UBE2E2: variants seen among roughly 807,000 people sequenced by gnomAD.
UBE2E2 encodes ubiquitin-conjugating enzyme E2 E2.
In UBE2E2, 6 loss-of-function variants were observed where a neutral mutation model predicts 24.7. The ratio of observed to expected loss-of-function variants is 0.24; its 90% CI spans 0.13 to 0.48. UBE2E2 has a LOEUF of 0.48. UBE2E2 is among the 20% of genes least tolerant of loss of function. The pLI, the probability that UBE2E2 is intolerant of heterozygous loss-of-function variation, is 0.99. For synonymous variants in UBE2E2, 104 were observed against 83.6 expected, an observed-to-expected ratio of 1.24 and a Z score of -1.33; for missense variants, 169 against 245.0, an observed-to-expected ratio of 0.69 and a Z score of 2.07.
At chr3:23,478,879 A>AATATAT (rs564828153) in intron 3 of UBE2E2, among the ~76,000 whole-genome samples, 2 of 120,294 alleles carry the variant, frequency 1.7e-5, no homozygotes, top group African/African-American at 6.4e-5. Flanking sequence ...CATCTGTACA[A>AATATAT]ATATATATAT....
chr3:23,296,578 G>A (rs553922603), intron 3 of UBE2E2, among the ~76,000 whole-genome samples: 19 of 152,174 alleles, frequency 1.2e-4, no homozygotes, highest in South Asian at 4.2e-4. Flanking sequence ...TTGTCCTTGC[G>A]ATAGTTTGCT....
At chr3:23,466,309 T>C (rs1698917548) in intron 3 of UBE2E2, among the ~76,000 whole-genome samples, 1 of 152,200 alleles carries the variant, frequency 6.6e-6, no homozygotes, top group Non-Finnish European at 1.5e-5. Flanking sequence ...ATAAGTGAGA[T>C]GTGGAAAACA....
At chr3:23,362,284 AT>A in intron 3 of UBE2E2, among the ~76,000 whole-genome samples, 1 of 152,274 alleles carries the variant, frequency 6.6e-6, no homozygotes, top group South Asian at 2.1e-4. Context: ...ATGGGAAAGA[AT>A]GAGTGAGTGT....
chr3:23,473,036 T>A (rs1051955323), intron 3 of UBE2E2, among the ~76,000 whole-genome samples: 1 of 152,078 alleles, frequency 6.6e-6, no homozygotes, highest in Non-Finnish European at 1.5e-5. Flanking sequence ...TTTTCTGTTA[T>A]GATTTAAAAA....
intron 3 of UBE2E2, among the ~76,000 whole-genome samples, chr3:23,339,320 G>A (rs1695314842): frequency 6.6e-6 from 1 of 152,162 alleles, no homozygotes; most frequent in African/African-American, 2.4e-5. Flanking sequence ...TAAATGCAGT[G>A]TGGTATTTGG....
chr3:23,263,503 T>A (rs1697957759), intron 3 of UBE2E2, among the ~76,000 whole-genome samples: 1 of 152,228 alleles, frequency 6.6e-6, no homozygotes, highest in Non-Finnish European at 1.5e-5. Flanking sequence ...CCCTTATTGC[T>A]TGAGTCACTT....
At position 23,378,691 on chromosome 3, in the gene UBE2E2, C is replaced by A. The variant is rs1204212772; in HGVS notation, c.228-120917C>A. Among the ~76,000 whole-genome samples the A allele has an allele frequency of 2.5e-5, 3 of 119,924 alleles. No homozygotes were observed. The East Asian group carries it at 6.6e-4, about 26-fold the overall frequency. The allele number at this position is 119,924 out of a possible 152,430, so 78.7% of individuals were successfully genotyped here. On this transcript the variant is annotated intron_variant, in intron 3 of 5. Coordinates refer to ENST00000396703, the MANE Select transcript of UBE2E2 (RefSeq NM_152653.4). ...GAATTGACAGCTTCCCTTTGAAATT[C>A]ATTTACTTATGCTTTTTTAAAAAGT...
At chr3:23,545,101 C>T (rs1233000077) in intron 5 of UBE2E2, among the ~76,000 whole-genome samples, 1 of 152,226 alleles carries the variant, frequency 6.6e-6, no homozygotes, top group Admixed American at 6.5e-5. Flanking sequence ...GAGTTTTATA[C>T]CGAGACATTC....
intron 3 of UBE2E2, among the ~76,000 whole-genome samples, chr3:23,318,299 G>A (rs1694639187): frequency 6.6e-6 from 1 of 151,932 alleles, no homozygotes; most frequent in Admixed American, 6.6e-5. Flanking sequence ...TGAGTAGCTG[G>A]GACTACCAGC....
At chr3:23,314,844 A>C (rs923916006) in intron 3 of UBE2E2, among the ~76,000 whole-genome samples, 12 of 151,918 alleles carry the variant, frequency 7.9e-5, no homozygotes, top group Admixed American at 5.9e-4. Context: ...ATTGTATGTG[A>C]CTTGTTTGTT....
chr3:23,522,152 G>GCAGAGA (rs1221066946), intron 4 of UBE2E2, among the ~76,000 whole-genome samples: 1 of 141,212 alleles, frequency 7.1e-6, no homozygotes, highest in African/African-American at 2.7e-5. Flanking sequence ...TTTTTTTGAG[G>GCAGAGA]CAGAGTCTCG....
At chr3:23,214,803 G>A (rs1696428869) in intron 2 of UBE2E2, among the ~76,000 whole-genome samples, 1 of 151,740 alleles carries the variant, frequency 6.6e-6, no homozygotes, top group Non-Finnish European at 1.5e-5. Context: ...TTAATGGAAA[G>A]TAACAGTTTT....
intron 3 of UBE2E2, among the ~76,000 whole-genome samples, chr3:23,486,996 C>T (rs1699387045): frequency 6.6e-6 from 1 of 152,204 alleles, no homozygotes; most frequent in Non-Finnish European, 1.5e-5. Flanking sequence ...CTCCCACCAC[C>T]ATCAACATGC....
intron 3 of UBE2E2, among the ~76,000 whole-genome samples, chr3:23,230,952 A>G (rs1338103463): frequency 2.0e-5 from 3 of 152,152 alleles, no homozygotes; most frequent in Non-Finnish European, 4.4e-5. Context: ...AGTTAGAGGG[A>G]AACCACTTTT....
chr3:23,316,501 C>T (rs1220838309), intron 3 of UBE2E2, among the ~76,000 whole-genome samples: 6 of 151,940 alleles, frequency 3.9e-5, no homozygotes, highest in East Asian at 1.9e-4. Context: ...CAATTCCCCC[C>T]GTAGGGCAGT....
intron 2 of UBE2E2, among the ~76,000 whole-genome samples, chr3:23,210,910 T>C (rs989188240): frequency 6.6e-5 from 10 of 152,162 alleles, no homozygotes; most frequent in African/African-American, 2.4e-4. Flanking sequence ...ATTTTAAATA[T>C]AAAAATGCGG....
chr3:23,515,601 A>G (rs936135211), intron 4 of UBE2E2, among the ~76,000 whole-genome samples: 1 of 152,180 alleles, frequency 6.6e-6, no homozygotes, highest in African/African-American at 2.4e-5. Context: ...CCCTGTAAAA[A>G]TTAGACAGAC....
Position 23,206,875 on chromosome 3 carries a change from GTTCTTA to G in UBE2E2, c.-8-1811_-8-1806del, listed in dbSNP as rs143045932. Among the ~76,000 whole-genome samples the G allele has an allele frequency of 1.6e-3, 236 of 152,194 alleles. 2 individuals are homozygous for G. The East Asian group carries it at 0.035, about 23-fold the overall frequency. ...TGCTTTATTTGAGGTATCTTTACCT[GTTCTTA>G]TTCTTGATCATATCAGAAACAGTTT... is the stretch of plus-strand genomic sequence containing the variant. On this transcript the variant is annotated intron_variant, in intron 1 of 5. Transcript: ENST00000396703.
At chr3:23,382,514 T>C (rs1323380559) in intron 3 of UBE2E2, among the ~76,000 whole-genome samples, 1 of 152,228 alleles carries the variant, frequency 6.6e-6, no homozygotes, top group African/African-American at 2.4e-5. Flanking sequence ...GGTTTTACTA[T>C]ATGAGCGTAT....
Sources: allele counts gnomAD v4.1 joint callset (sites outside exome capture counted in the v4.1 genomes callset), GRCh38; gene constraint gnomAD v4.1.1; transcripts MANE v1.5; gene names NCBI Gene and HGNC (gene_info 2026-07-23, HGNC 2026-07-21).